The following FRMD5 variants were observed in gnomAD, a reference collection of about 807,000 sequenced individuals.
FRMD5 encodes FERM domain-containing protein 5.
In FRMD5, 20 loss-of-function variants were observed where a neutral mutation model predicts 69.0. The observed-to-expected ratio is 0.29, with a 90% CI of 0.20 to 0.42. The LOEUF is 0.42. FRMD5 is among the 10% of genes least tolerant of loss of function. The pLI, the probability that FRMD5 is intolerant of heterozygous loss-of-function variation, is 1.00. For missense variants in FRMD5, 595 were observed against 708.6 expected (o/e 0.84, Z 1.82); for synonymous variants, 271 against 260.1 (o/e 1.04, Z -0.40).
At chr15:44,020,542 T>G (rs749687637) in intron 1 of FRMD5, among the ~76,000 whole-genome samples, 37 of 152,198 alleles carry the variant, frequency 2.4e-4, no homozygotes, top group Admixed American at 1.3e-3. Context: ...ATGTATGAAT[T>G]AGTATATTTT....
chr15:43,922,510 C>T (rs2089511552), intron 2 of FRMD5, among the ~76,000 whole-genome samples: 1 of 152,070 alleles, frequency 6.6e-6, no homozygotes. Context: ...TCTCTAGTTC[C>T]TTCTCATTTT....
intron 13 of FRMD5, among the ~76,000 whole-genome samples, chr15:43,880,522 C>T (rs1402297141): frequency 1.3e-5 from 2 of 152,222 alleles, no homozygotes; most frequent in Non-Finnish European, 2.9e-5. Flanking sequence ...AGCCCCTGTA[C>T]TGATAAAGCC....
intron 1 of FRMD5, among the ~76,000 whole-genome samples, chr15:43,995,100 T>G (rs572277826): frequency 6.6e-6 from 1 of 152,290 alleles, no homozygotes; most frequent in African/African-American, 2.4e-5. Context: ...AATACCAAAA[T>G]CCACAGATGC....
Position 43,873,666 on chromosome 15 carries a change from A to ACTT in FRMD5, c.*216_*218dup. ...GAGTCGCTGAGCCTTTCTTGAAATAACTTCTGAAGAAAATGAGTTTTCCCA... is the reference window on the plus strand; with the variant it reads ...GAGTCGCTGAGCCTTTCTTGAAATAACTTCTTCTGAAGAAAATGAGTTTTCCCA... On this transcript the variant is annotated 3_prime_UTR_variant, in exon 14 of 14. Coordinates refer to ENST00000417257, the MANE Select transcript of FRMD5 (RefSeq NM_032892.5). The ACTT allele has an allele frequency of 6.7e-7, 1 of 1,502,964 alleles. No individual in the cohort carries two copies. Among genetic ancestry groups the ACTT allele is most frequent in the Non-Finnish European group, 8.8e-7 (1 of 1,136,576 alleles). The allele number at this position is 1,502,964 out of a possible 1,614,324, so 93.1% of individuals were successfully genotyped here. A position where few individuals can be genotyped will look rare whatever the true frequency, so the allele number is the denominator to read the frequency against.
upstream of FRMD5, among the ~76,000 whole-genome samples, chr15:44,197,163 T>C (rs1343527754): frequency 6.6e-6 from 1 of 151,254 alleles, no homozygotes; most frequent in Non-Finnish European, 1.5e-5. Flanking sequence ...ATTGTGCCAC[T>C]GCACTCCAGC....
chr15:44,151,862 C>T (rs192175244), intron 1 of FRMD5, among the ~76,000 whole-genome samples: 32 of 152,192 alleles, frequency 2.1e-4, no homozygotes, highest in East Asian at 3.9e-4. Flanking sequence ...GATTAATGTC[C>T]GGAATATATA....
intron 7 of FRMD5, among the ~76,000 whole-genome samples, chr15:43,894,284 G>A (rs1341203457): frequency 6.6e-6 from 1 of 151,714 alleles, no homozygotes; most frequent in East Asian, 2.0e-4. Flanking sequence ...CAGCCTGCCT[G>A]TTCTGTCTCT....
At chr15:44,006,260 A>G (rs1329708713) in intron 1 of FRMD5, among the ~76,000 whole-genome samples, 1 of 152,234 alleles carries the variant, frequency 6.6e-6, no homozygotes, top group African/African-American at 2.4e-5. Context: ...ACATCTGTTT[A>G]CAGCATGGTT....
At chr15:44,124,601 A>C (rs904072618) in intron 1 of FRMD5, among the ~76,000 whole-genome samples, 4 of 152,014 alleles carry the variant, frequency 2.6e-5, no homozygotes, top group African/African-American at 7.2e-5. Context: ...TGGGAGGCTG[A>C]GGCAGGAGAA....
At chr15:44,051,658 T>A (rs1403634585) in intron 1 of FRMD5, among the ~76,000 whole-genome samples, 2 of 152,162 alleles carry the variant, frequency 1.3e-5, no homozygotes, top group Admixed American at 1.3e-4. Flanking sequence ...TAGTCATGTC[T>A]CCTTAGGCTC....
At chr15:43,981,012 A>G (rs1251398882) in intron 1 of FRMD5, among the ~76,000 whole-genome samples, 1 of 152,072 alleles carries the variant, frequency 6.6e-6, no homozygotes. Flanking sequence ...CAGACACACA[A>G]ACACACACAC....
Position 43,874,085 on chromosome 15 carries a change from G to A in FRMD5, c.1513C>T (p.Leu505Phe). 6.2e-7 allele frequency: 1 copy of A among 1,614,276 alleles called. No homozygotes were observed. Among genetic ancestry groups the A allele is most frequent in the Non-Finnish European group, 8.5e-7 (1 of 1,180,056 alleles). The change falls in exon 14 of 14, where the codon CTC becomes TTC. Residue 505 changes from leucine to phenylalanine, a missense_variant. Leu to Phe is a conservative substitution (Grantham distance 22). This residue lies in a region of FRMD5 where 245 missense variants were observed against 227.1 expected (regional missense o/e 1.08). Coordinates refer to ENST00000417257, the MANE Select transcript of FRMD5 (RefSeq NM_032892.5). ...NKFVLSVLRL[L>F]LVTMGLLFVL... Reference sequence around the variant, plus strand: ...AAGAGGAGTCCCATGGTCACAAGGAGCAAACGGAGGACACTTAGAACAAAC... The same window carrying A: ...AAGAGGAGTCCCATGGTCACAAGGAACAAACGGAGGACACTTAGAACAAAC...
intron 1 of FRMD5, among the ~76,000 whole-genome samples, chr15:44,171,877 C>T (rs1225994922): frequency 2.0e-5 from 3 of 152,200 alleles, no homozygotes; most frequent in Non-Finnish European, 2.9e-5. Context: ...GATTCTGGTG[C>T]CTCAGCCTCA....
chr15:43,925,404 C>T (rs1204820750), intron 1 of FRMD5, among the ~76,000 whole-genome samples: 1 of 152,170 alleles, frequency 6.6e-6, no homozygotes, highest in African/African-American at 2.4e-5. Context: ...TTTTTAAGCT[C>T]TTTTCTCCCA....
At chr15:44,000,467 T>C (rs1291461821) in intron 1 of FRMD5, among the ~76,000 whole-genome samples, 1 of 152,004 alleles carries the variant, frequency 6.6e-6, no homozygotes, top group East Asian at 1.9e-4. Context: ...CTATTTTTTT[T>C]TTTTTTTCTT....
In FRMD5 at chr15:43,905,916, C is replaced by T. The variant is rs980860337; in HGVS notation, c.463G>A (p.Glu155Lys). The change falls in exon 6 of 14, where the codon GAA (glutamate) becomes AAA (lysine). Residue 155 changes from glutamate to lysine, a missense_variant. Transcript: ENST00000417257. ...IGDYDSGKHP[E>K]GYSSKFQFFP... ...AACTGGAACTTGGAGCTGTAGCCTT[C>T]AGGGTGTTTCCCTGAGTCATAATCC... The T allele has an allele frequency of 4.3e-6, 7 of 1,614,086 alleles. No individual in the cohort carries two copies. Among genetic ancestry groups the T allele is most frequent in the Non-Finnish European group, 5.9e-6 (7 of 1,180,022 alleles).
At chr15:44,032,252 G>A (rs2140287474) in intron 1 of FRMD5, among the ~76,000 whole-genome samples, 1 of 152,220 alleles carries the variant, frequency 6.6e-6, no homozygotes. Flanking sequence ...GAAAACCCTG[G>A]AAGACAACCT....
intron 13 of FRMD5, among the ~76,000 whole-genome samples, chr15:43,875,371 T>C (rs1215764222): frequency 7.8e-6 from 1 of 128,666 alleles, no homozygotes; most frequent in Non-Finnish European, 1.6e-5. Flanking sequence ...AAAATATATA[T>C]ATATATATAT....
At chr15:43,911,971 C>G (rs887429986) in intron 4 of FRMD5, among the ~76,000 whole-genome samples, 1 of 152,122 alleles carries the variant, frequency 6.6e-6, no homozygotes, top group Non-Finnish European at 1.5e-5. Context: ...AGGGAGCAAC[C>G]AAGCCATCTT....
Sources: gnomAD v4.1 joint callset for allele counts (sites outside exome capture counted in the v4.1 genomes callset) on GRCh38, gnomAD v4.1.1 for gene constraint, gnomAD v4.1.1 regional missense constraint, MANE v1.5 for transcripts, NCBI Gene and HGNC (gene_info 2026-07-23, HGNC 2026-07-21) for gene names.